Variants in ITIH5 observed in about 807,000 individuals in gnomAD.
ITIH5 encodes the protein inter-alpha-trypsin inhibitor heavy chain H5.
ITIH5 carries 65 observed loss-of-function variants against 77.5 expected under a neutral mutation model. The ratio of observed to expected loss-of-function variants is 0.84; its 90% CI spans 0.69 to 1.03. The LOEUF is 1.03. ITIH5 is among the 50% of genes least tolerant of loss of function. The pLI is 0.00. For synonymous variants in ITIH5, 525 were observed against 494.3 expected (o/e 1.06, Z -0.82); for missense variants, 1,208 against 1,213.1 (o/e 1.00, Z 0.06).
At chr10:7,639,152 C>G (rs1194867130) in intron 4 of ITIH5, among the ~76,000 whole-genome samples, 2 of 152,164 alleles carry the variant, frequency 1.3e-5, no homozygotes, top group Non-Finnish European at 2.9e-5. Flanking sequence ...TAACTTGCCA[C>G]AGCAAGGGAG....
At chr10:7,591,649 G>T (rs1832795588) in intron 7 of ITIH5, among the ~76,000 whole-genome samples, 1 of 151,986 alleles carries the variant, frequency 6.6e-6, no homozygotes, top group African/African-American at 2.4e-5. Flanking sequence ...TGCTGCTGCA[G>T]GTCTCTTCTT....
intron 7 of ITIH5, among the ~76,000 whole-genome samples, chr10:7,586,835 CTTA>C (rs1832688751): frequency 7.6e-6 from 1 of 131,854 alleles, no homozygotes; most frequent in Non-Finnish European, 1.6e-5. Flanking sequence ...GGGCATTCTT[CTTA>C]TTTTTTTTTT....
intron 7 of ITIH5, among the ~76,000 whole-genome samples, chr10:7,588,500 G>C (rs769705119): frequency 7.2e-5 from 11 of 152,200 alleles, no homozygotes; most frequent in African/African-American, 1.4e-4. Context: ...CTGGGTGACA[G>C]AGTGAAAATG....
intron 1 of ITIH5, among the ~76,000 whole-genome samples, chr10:7,657,041 CTTTTTTTTT>C (rs56737624): frequency 0.15 from 14,871 of 99,704 alleles, 1,026 homozygotes; most frequent in East Asian, 0.31. Flanking sequence ...CGCGTTCGGC[CTTTTTTTTT>C]TTTTTTTTTT....
intron 7 of ITIH5, among the ~76,000 whole-genome samples, chr10:7,604,251 T>G (rs990631709): frequency 6.6e-6 from 1 of 152,186 alleles, no homozygotes; most frequent in African/African-American, 2.4e-5. Context: ...TATGTTGTCT[T>G]CCTGCATCAG....
chr10:7,569,648 C>A lies in ITIH5; in HGVS notation c.2149+20G>T. 6.6e-7 allele frequency: 1 copy of A among 1,513,670 alleles called. No homozygotes were observed. The highest frequency in any genetic ancestry group is 9.0e-7 in the Non-Finnish European group (1 of 1,106,156). The allele number at this position is 1,513,670 out of a possible 1,614,324, so 93.8% of individuals were successfully genotyped here. A position where few individuals can be genotyped will look rare whatever the true frequency, so the allele number is the denominator to read the frequency against. On this transcript the variant is annotated intron_variant, in intron 12 of 13. Coordinates refer to ENST00000397146, the MANE Select transcript of ITIH5 (RefSeq NM_030569.7). ...CTACCTGGTCCTTGCCCAGATGCTG[C>A]AGCGGAAGGTAGAACTTACCAGAGT...
chr10:7,629,068 C>CCCATGTTGTAGCGTGTAT (rs1833652671), intron 5 of ITIH5, among the ~76,000 whole-genome samples: 2 of 38,420 alleles, frequency 5.2e-5, no homozygotes, highest in Admixed American at 2.3e-4. Flanking sequence ...GTAGCGTGTG[C>CCCATGTTGTAGCGTGTAT]CCATGTTGTA....
rs1367245186 is a variant in ITIH5, at chr10:7,566,104, G to A, written c.2453C>T (p.Pro818Leu). The change falls in exon 13 of 14, where the codon CCC becomes CTC. Residue 818 changes from proline to leucine, a missense_variant. Physicochemically the swap from Pro to Leu is moderately conservative, Grantham distance 98. Coordinates refer to ENST00000397146, the MANE Select transcript of ITIH5 (RefSeq NM_030569.7). ...ILIHLYKKPA[P>L]FQRHHLGFYI... ...GAAACCCAGGTGGTGTCGCTGGAAG[G>A]GCGCCGGCTTTTTGTAGAGGTGGAT... 1 of 1,614,008 alleles carries A rather than the reference G, an allele frequency of 6.2e-7. No homozygotes were observed. Among genetic ancestry groups the A allele is most frequent in the Non-Finnish European group, 8.5e-7 (1 of 1,180,018 alleles).
chr10:7,568,593 T>C (rs111577494), intron 12 of ITIH5, among the ~76,000 whole-genome samples: 60 of 152,254 alleles, frequency 3.9e-4, no homozygotes, highest in African/African-American at 1.4e-3. Context: ...AACCCCAGGA[T>C]CAAACTCTAC....
At chr10:7,621,023 G>A (rs1367480468) in intron 5 of ITIH5, 1 of 152,178 alleles carries the variant, frequency 6.6e-6, no homozygotes, top group African/African-American at 2.4e-5. Flanking sequence ...CCAGAAACTC[G>A]GAGTCAGAAA....
At chr10:7,619,622 C>T (rs192917407) in intron 5 of ITIH5, 126 of 389,006 alleles carry the variant, frequency 3.2e-4, no homozygotes, top group African/African-American at 2.4e-3. Context: ...CTTACAATCA[C>T]GCAGAAGGCA....
intron 2 of ITIH5, among the ~76,000 whole-genome samples, chr10:7,644,574 TCA>T (rs1287684193): frequency 3.5e-5 from 2 of 57,798 alleles, no homozygotes; most frequent in Non-Finnish European, 6.6e-5. Flanking sequence ...ATGATATATA[TCA>T]CATATATCAC....
intron 2 of ITIH5, among the ~76,000 whole-genome samples, chr10:7,644,407 C>T (rs538464619): frequency 2.5e-5 from 3 of 121,210 alleles, no homozygotes; most frequent in African/African-American, 3.0e-5. Context: ...ACATATATCA[C>T]ATATATCATA....
intron 12 of ITIH5, among the ~76,000 whole-genome samples, chr10:7,568,168 T>G (rs1190567611): frequency 6.6e-6 from 1 of 152,204 alleles, no homozygotes; most frequent in African/African-American, 2.4e-5. Flanking sequence ...ATGTTAAATG[T>G]GTTTTGCTCT....
chr10:7,640,031 T>C (rs2131077569), intron 4 of ITIH5, among the ~76,000 whole-genome samples: 1 of 151,842 alleles, frequency 6.6e-6, no homozygotes, highest in Non-Finnish European at 1.5e-5. Context: ...AGGAGTATTG[T>C]TAATTTGCTA....
intron 2 of ITIH5, among the ~76,000 whole-genome samples, chr10:7,647,068 C>T (rs1834019411): frequency 6.6e-6 from 1 of 152,186 alleles, no homozygotes; most frequent in Non-Finnish European, 1.5e-5. Flanking sequence ...TTAAAAATAG[C>T]TGCATAGTAT....
intron 5 of ITIH5, among the ~76,000 whole-genome samples, chr10:7,632,099 CA>C (rs1343144036): frequency 1.3e-5 from 2 of 152,018 alleles, no homozygotes. Flanking sequence ...GCACCTGGCC[CA>C]ATCTTGTTTA....
chr10:7,596,170 A>G (rs933220768), intron 7 of ITIH5, among the ~76,000 whole-genome samples: 3 of 152,182 alleles, frequency 2.0e-5, no homozygotes, highest in African/African-American at 4.8e-5. Flanking sequence ...CAGGCCCTGC[A>G]TGAAGCTGCA....
Position 7,562,980 on chromosome 10 carries a change from TA to T in ITIH5, c.*102del. Reference sequence around the variant, plus strand: ...CCAGGGGTGGGTCATGGAGTCCAGCTAATTGCCAGGAGCTGAGGCGTGTACA... The same window carrying T: ...CCAGGGGTGGGTCATGGAGTCCAGCTATTGCCAGGAGCTGAGGCGTGTACA... On this transcript the variant is annotated 3_prime_UTR_variant, in exon 14 of 14. Coordinates refer to ENST00000397146, the MANE Select transcript of ITIH5 (RefSeq NM_030569.7). The T allele has an allele frequency of 1.1e-6, 1 of 943,418 alleles. No homozygotes were observed. The highest frequency in any genetic ancestry group is 1.6e-6 in the Non-Finnish European group (1 of 607,192). 58.4% of individuals were successfully genotyped at this position (943,418 alleles called of 1,614,324 possible). A position where few individuals can be genotyped will look rare whatever the true frequency, so the allele number is the denominator to read the frequency against.
Sources: allele counts gnomAD v4.1 joint callset (sites outside exome capture counted in the v4.1 genomes callset), GRCh38; gene constraint gnomAD v4.1.1; transcripts MANE v1.5; gene names NCBI Gene and HGNC (gene_info 2026-07-23, HGNC 2026-07-21).